FAM53B: variants seen among roughly 807,000 people sequenced by gnomAD.
FAM53B encodes the protein family with sequence similarity 53 member B, also known as protein FAM53B.
Under a neutral mutation model 32.7 loss-of-function variants are expected in FAM53B, and 12 were observed. That is an observed-to-expected ratio of 0.37 (90% CI 0.24 to 0.59). FAM53B has a LOEUF of 0.59. FAM53B is among the 20% of genes least tolerant of loss of function. The probability of loss-of-function intolerance (pLI) is 0.72; values close to 1 mark genes in which losing one functional copy is unlikely to be tolerated. For missense variants in FAM53B, 477 were observed against 577.7 expected, an observed-to-expected ratio of 0.83 and a Z score of 1.79; for synonymous variants, 234 against 228.7, an observed-to-expected ratio of 1.02 and a Z score of -0.21.
At position 124,744,090 on chromosome 10, in the gene FAM53B, C is replaced by A. The variant is rs1402666217; in HGVS notation, c.-252G>T. The stretch of plus-strand genomic sequence containing the variant: ...TCGCCAAGTCGTCCGGGGTGCCCGC[C>A]GCGCGTCCGCCGCGCGCACGCTCGC... On this transcript the variant is annotated 5_prime_UTR_variant, in exon 1 of 5. Transcript: ENST00000337318. The A allele has an allele frequency of 6.8e-6, 1 of 147,202 alleles. No individual in the cohort carries two copies. The highest frequency in any genetic ancestry group is 1.5e-5 in the Non-Finnish European group (1 of 66,118). 9.1% of individuals were successfully genotyped at this position (147,202 alleles called of 1,614,324 possible).
intron 4 of FAM53B, among the ~76,000 whole-genome samples, chr10:124,679,536 G>A (rs569085573): frequency 6.6e-6 from 1 of 152,366 alleles, no homozygotes; most frequent in African/African-American, 2.4e-5. Context: ...GAGCCCCATG[G>A]AGAGAGGGCT....
At chr10:124,693,677 T>C (rs1233391169) in intron 3 of FAM53B, among the ~76,000 whole-genome samples, 1 of 152,092 alleles carries the variant, frequency 6.6e-6, no homozygotes, top group Admixed American at 6.5e-5. Flanking sequence ...GGAGGATGTG[T>C]GCTAGTGTGT....
At chr10:124,633,261 A>G (rs1949403547) in intron 4 of FAM53B, among the ~76,000 whole-genome samples, 1 of 147,832 alleles carries the variant, frequency 6.8e-6, no homozygotes, top group Non-Finnish European at 1.5e-5. Context: ...AAAAAAAAAA[A>G]ACTTTAAAGA....
rs989081408 is a variant in FAM53B at position 124,733,413 on chromosome 10, C to T, written c.-175+10600G>A. ...TCTCGAGTGTCTGTGTCAGCAGCTT[C>T]CCCCTGCCTTTGAGAACACTAGTGA... is the stretch of plus-strand genomic sequence containing the variant. On this transcript the variant is annotated intron_variant, in intron 1 of 4. Transcript: ENST00000337318. The surrounding 1 kb of genome is among the most constrained non-coding windows in gnomAD (Gnocchi z 4.3). 6.6e-6 allele frequency among the ~76,000 whole-genome samples: 1 copy of T among 152,198 alleles called. No homozygotes were observed. The highest frequency in any genetic ancestry group is 1.5e-5 in the Non-Finnish European group (1 of 68,032).
chr10:124,647,835 C>T (rs974592360), intron 4 of FAM53B, among the ~76,000 whole-genome samples: 5 of 152,338 alleles, frequency 3.3e-5, no homozygotes, highest in Non-Finnish European at 7.3e-5. Flanking sequence ...AGCTTCATAG[C>T]TCAAGGGATG....
chr10:124,738,691 C>A lies in FAM53B; in HGVS notation c.-175+5322G>T, dbSNP rs558471194. ...ACACTGGAGGATATACAATTGTGTT[C>A]AGTTACTTGATTACTTTAGGCACGT... is the stretch of plus-strand genomic sequence containing the variant. On this transcript the variant is annotated intron_variant, in intron 1 of 4. Transcript: ENST00000337318. Among the ~76,000 whole-genome samples, 36 of 152,066 alleles carry A rather than the reference C, an allele frequency of 2.4e-4. No homozygotes were observed. The South Asian group carries it at 7.5e-3, about 32-fold the overall frequency.
intron 4 of FAM53B, among the ~76,000 whole-genome samples, chr10:124,632,599 G>A (rs572653261): frequency 6.6e-6 from 1 of 152,242 alleles, no homozygotes; most frequent in Non-Finnish European, 1.5e-5. Context: ...GGGCCACATC[G>A]GGGTGCTGAA....
Position 124,623,759 on chromosome 10 carries a change from C to T in FAM53B, c.907-155G>A, listed in dbSNP as rs551384186. On this transcript the variant is annotated intron_variant, in intron 4 of 4. Coordinates refer to ENST00000337318, the MANE Select transcript of FAM53B (RefSeq NM_014661.4). ...CAGGCAAGGACGGGCCCATGAGCAACGTACTCATGAAGATGCACCTCCGGC... is the reference window on the plus strand; with the variant it reads ...CAGGCAAGGACGGGCCCATGAGCAATGTACTCATGAAGATGCACCTCCGGC... The T allele has an allele frequency of 3.5e-5, 26 of 749,038 alleles. No homozygotes were observed. The East Asian group carries it at 3.7e-4, about 11-fold the overall frequency. 46.4% of individuals were successfully genotyped at this position (749,038 alleles called of 1,614,324 possible).
At chr10:124,661,321 T>C (rs560865844) in intron 4 of FAM53B, among the ~76,000 whole-genome samples, 2 of 152,268 alleles carry the variant, frequency 1.3e-5, no homozygotes, top group African/African-American at 4.8e-5. Flanking sequence ...TCTGTGAGTG[T>C]TCCCCAGGTC....
intron 4 of FAM53B, among the ~76,000 whole-genome samples, chr10:124,646,134 G>A (rs989180713): frequency 6.6e-6 from 1 of 152,180 alleles, no homozygotes; most frequent in Non-Finnish European, 1.5e-5. Context: ...CTGCGGGAGG[G>A]GGAACAATGA....
chr10:124,682,246 C>T lies in FAM53B; in HGVS notation c.267G>A (p.Val89=). 6.2e-7 allele frequency: 1 copy of T among 1,614,048 alleles called. No homozygotes were observed. Among genetic ancestry groups the T allele is most frequent in the Non-Finnish European group, 8.5e-7 (1 of 1,179,984 alleles). Residue 89 remains valine (V), a synonymous_variant, in exon 4 of 5, where the codon GTG becomes GTA. Transcript: ENST00000337318. The surrounding 1 kb of genome is among the most constrained non-coding windows in gnomAD (Gnocchi z 5.2). ...TGCTGAGGTCTTTGATCAGACTGGT[C>T]ACAGCGCAGGCGGTCACTGCCTCCC... ...WHREAVTACA[V]TSLIKDLSIS... is the part of the protein sequence containing the mutation.
intron 1 of FAM53B, among the ~76,000 whole-genome samples, chr10:124,714,967 C>T (rs924813350): frequency 1.3e-5 from 2 of 152,060 alleles, no homozygotes; most frequent in African/African-American, 4.8e-5. Flanking sequence ...GAAAGTGAGG[C>T]CCAGGTCTAA....
chr10:124,691,443 T>C (rs1292573462), intron 3 of FAM53B, among the ~76,000 whole-genome samples: 1 of 152,238 alleles, frequency 6.6e-6, no homozygotes, highest in African/African-American at 2.4e-5. Context: ...TAATAAATAA[T>C]TTATTACCAT....
intron 4 of FAM53B, among the ~76,000 whole-genome samples, chr10:124,652,445 G>A (rs1949562086): frequency 6.6e-6 from 1 of 152,162 alleles, no homozygotes; most frequent in South Asian, 2.1e-4. Context: ...GCCTTAGAGA[G>A]AAGAAGGGGC....
chr10:124,660,438 C>G (rs573281906), intron 4 of FAM53B, among the ~76,000 whole-genome samples: 1 of 152,180 alleles, frequency 6.6e-6, no homozygotes, highest in Admixed American at 6.5e-5. Context: ...CACTGAGATC[C>G]GTTGAATACA....
At chr10:124,632,652 C>T (rs1052500960) in intron 4 of FAM53B, among the ~76,000 whole-genome samples, 12 of 152,256 alleles carry the variant, frequency 7.9e-5, no homozygotes, top group African/African-American at 2.9e-4. Context: ...ACCCCAGCAG[C>T]TCACAACTCT....
chr10:124,661,557 T>C (rs1464176189), intron 4 of FAM53B, among the ~76,000 whole-genome samples: 1 of 152,216 alleles, frequency 6.6e-6, no homozygotes, highest in Non-Finnish European at 1.5e-5. Flanking sequence ...GAGACAATCT[T>C]ACAGCCACTG....
intron 4 of FAM53B, among the ~76,000 whole-genome samples, chr10:124,655,470 G>A (rs1381764573): frequency 6.6e-6 from 1 of 151,834 alleles, no homozygotes; most frequent in Non-Finnish European, 1.5e-5. Context: ...AAGCTTCTCA[G>A]GACGATACCA....
intron 4 of FAM53B, among the ~76,000 whole-genome samples, chr10:124,668,340 G>A (rs537908238): frequency 3.3e-5 from 5 of 152,338 alleles, no homozygotes; most frequent in Admixed American, 2.6e-4. Flanking sequence ...TCTAGCCACC[G>A]GCTCCCCTGC....
Sources: gnomAD v4.1 joint callset for allele counts (sites outside exome capture counted in the v4.1 genomes callset) on GRCh38, gnomAD v4.1.1 for gene constraint, Gnocchi (gnomAD v3.1) non-coding constraint, MANE v1.5 for transcripts, NCBI Gene and HGNC (gene_info 2026-07-23, HGNC 2026-07-21) for gene names.